Variants in VWA3B observed in about 807,000 individuals in gnomAD.
The protein encoded by VWA3B is von Willebrand factor A domain containing 3B.
Under a neutral mutation model 158.3 loss-of-function variants are expected in VWA3B, and 138 were observed. The observed-to-expected ratio is 0.87, with a 90% CI of 0.76 to 1.00. The LOEUF is 1.00. Among genes scored for constraint, VWA3B ranks in the 50% least tolerant of loss-of-function variants. The pLI, the probability that VWA3B is intolerant of heterozygous loss-of-function variation, is 0.00. For synonymous variants in VWA3B, 596 were observed against 587.3 expected, an observed-to-expected ratio of 1.01 and a Z score of -0.21; for missense variants, 1,555 against 1,565.1, an observed-to-expected ratio of 0.99 and a Z score of 0.11.
intron 13 of VWA3B, 70 bp downstream of exon 13, chr2:98,212,098 G>A (rs1470770509): frequency 2.1e-6 from 3 of 1,428,278 alleles, no homozygotes; most frequent in African/African-American, 2.8e-5. Context: ...AAATGGGTCT[G>A]GGGGACCTTT....
chr2:98,103,408 A>C (rs910364890), intron 2 of VWA3B, among the ~76,000 whole-genome samples: 8 of 152,088 alleles, frequency 5.3e-5, no homozygotes, highest in African/African-American at 1.9e-4. Context: ...CTTCTTTTCT[A>C]ATATAATCAT....
the VWA3B span, among the ~76,000 whole-genome samples, chr2:98,323,843 G>C: frequency 6.6e-5 from 10 of 152,210 alleles, no homozygotes; most frequent in Non-Finnish European, 1.2e-4. Context: ...CCTTCAAAAT[G>C]AAGGTGAGAG....
chr2:98,157,082 T>C (rs1171468279), intron 7 of VWA3B, among the ~76,000 whole-genome samples: 1 of 152,212 alleles, frequency 6.6e-6, no homozygotes, highest in Admixed American at 6.5e-5. Flanking sequence ...TAGACTGCAT[T>C]ACATTTGCAT....
At chr2:98,105,808 C>G (rs1673597601) in intron 2 of VWA3B, among the ~76,000 whole-genome samples, 1 of 152,018 alleles carries the variant, frequency 6.6e-6, no homozygotes, top group South Asian at 2.1e-4. Context: ...GTGCATTTTA[C>G]TTAAGTGACT....
chr2:98,139,257 C>G (rs1174235662), intron 7 of VWA3B, among the ~76,000 whole-genome samples: 1 of 152,230 alleles, frequency 6.6e-6, no homozygotes, highest in Admixed American at 6.5e-5. Context: ...GGCCTCGGGA[C>G]TGCAGCCCGC....
chr2:98,273,041 C>G (rs1185345024), intron 22 of VWA3B, among the ~76,000 whole-genome samples: 4 of 152,100 alleles, frequency 2.6e-5, no homozygotes, highest in Non-Finnish European at 5.9e-5. Context: ...TATAAATTAC[C>G]CAGTTGGTGG....
At chr2:98,275,685 G>C (rs1290934258) in intron 22 of VWA3B, among the ~76,000 whole-genome samples, 1 of 152,260 alleles carries the variant, frequency 6.6e-6, no homozygotes, top group African/African-American at 2.4e-5. Flanking sequence ...CAACATATCA[G>C]TGATGGCTCT....
intron 19 of VWA3B, among the ~76,000 whole-genome samples, chr2:98,243,065 T>C (rs967317452): frequency 6.6e-6 from 1 of 152,070 alleles, no homozygotes; most frequent in African/African-American, 2.4e-5. Context: ...ATCTCATGGT[T>C]ATCTGGCCAG....
intron 23 of VWA3B, among the ~76,000 whole-genome samples, chr2:98,296,944 T>C (rs534030834): frequency 5.9e-5 from 9 of 151,276 alleles, no homozygotes; most frequent in African/African-American, 1.9e-4. Context: ...TGTGTATATA[T>C]ATTAGGCTGG....
chr2:98,172,126 A>G (rs1573977932), intron 8 of VWA3B, among the ~76,000 whole-genome samples: 1 of 152,240 alleles, frequency 6.6e-6, no homozygotes, highest in East Asian at 1.9e-4. Flanking sequence ...ACCTTGTCGC[A>G]AGGACAGAGG....
Position 98,303,812 on chromosome 2 carries a change from C to A in VWA3B, c.3521+10C>A. 1 of 1,612,068 alleles carries A rather than the reference C, an allele frequency of 6.2e-7. No individual in the cohort carries two copies. The highest frequency in any genetic ancestry group is 8.5e-7 in the Non-Finnish European group (1 of 1,178,142). ...CTGAGGATCCAGAAGTGTAAGTGTA[C>A]TCAACTTTTATCTCTTGAATATTAA... On this transcript the variant is annotated intron_variant, in intron 26 of 27. Transcript: ENST00000477737.
At chr2:98,315,480 C>T (rs1461151752), downstream of VWA3B, among the ~76,000 whole-genome samples, 1 of 152,132 alleles carries the variant, frequency 6.6e-6, no homozygotes, top group Middle Eastern at 3.2e-3. Flanking sequence ...AAGGTGAATC[C>T]TTGAAACAGA....
the VWA3B span, among the ~76,000 whole-genome samples, chr2:98,328,072 G>C: frequency 6.6e-6 from 1 of 152,098 alleles, no homozygotes; most frequent in Non-Finnish European, 1.5e-5. Context: ...ACAAGCCTCT[G>C]GGAGGTCTCA....
intron 20 of VWA3B, among the ~76,000 whole-genome samples, chr2:98,255,409 G>A (rs1558732289): frequency 7.9e-6 from 1 of 127,254 alleles, no homozygotes; most frequent in Non-Finnish European, 1.9e-5. Flanking sequence ...CAGAAAGCCT[G>A]CTTTTGGGTA....
chr2:98,297,192 C>T (rs1689859324), intron 23 of VWA3B, among the ~76,000 whole-genome samples: 1 of 152,126 alleles, frequency 6.6e-6, no homozygotes, highest in Non-Finnish European at 1.5e-5. Flanking sequence ...AGCGTTTCTC[C>T]TGCCTCAGCC....
In VWA3B at chr2:98,190,095, A is replaced by G. The variant is rs539277037; in HGVS notation, c.1466+1966A>G. On this transcript the variant is annotated intron_variant, in intron 10 of 27. Transcript: ENST00000477737. ...TTGGATTTAAATCTAAGATTTTGCT[A>G]TTTGTTTTCTGTTCCCTTTTTACTG... Among the ~76,000 whole-genome samples, 21 of 152,036 alleles carry G rather than the reference A, an allele frequency of 1.4e-4. No homozygotes were observed. In the South Asian group the frequency reaches 4.4e-3, roughly 32 times the overall value.
chr2:98,311,926 G>A lies in VWA3B; in HGVS notation c.3629G>A (p.Arg1210Lys). The part of the protein sequence containing the change: ...PRREKPRRKK[R>K]PAKQPLQQAA... ...CGAGAGAAGCCCAGGAGGAAAAAGA[G>A]GCCCGCCAAGCAGCCACTCCAGCAG... Residue 1210 changes from arginine (R) to lysine (K), a missense_variant, in exon 27 of 28, where the codon AGG (arginine) becomes AAG (lysine). Transcript: ENST00000477737. 1.2e-6 allele frequency: 2 copies of A among 1,607,922 alleles called. No homozygotes were observed. The highest frequency in any genetic ancestry group is 2.2e-5 in the East Asian group (1 of 44,628).
intron 3 of VWA3B, among the ~76,000 whole-genome samples, chr2:98,117,659 C>T (rs1366100754): frequency 6.6e-6 from 1 of 152,162 alleles, no homozygotes; most frequent in Non-Finnish European, 1.5e-5. Context: ...GGCCATTCAG[C>T]CCTTGGAGAA....
chr2:98,247,029 G>A (rs547239610), intron 19 of VWA3B, among the ~76,000 whole-genome samples: 7 of 151,470 alleles, frequency 4.6e-5, no homozygotes, highest in East Asian at 3.9e-4. Flanking sequence ...ACAGAGCCTC[G>A]CACTGTCGCC....
Sources: gnomAD v4.1 joint callset for allele counts (sites outside exome capture counted in the v4.1 genomes callset) on GRCh38, gnomAD v4.1.1 for gene constraint, MANE v1.5 for transcripts, NCBI Gene and HGNC (gene_info 2026-07-23, HGNC 2026-07-21) for gene names.